MARCHF4: variants seen among roughly 807,000 people sequenced by gnomAD.
MARCHF4 encodes the protein membrane associated ring-CH-type finger 4, also known as E3 ubiquitin-protein ligase MARCHF4.
A neutral mutation model predicts 43.9 loss-of-function variants in MARCHF4; 14 were observed. That is an observed-to-expected ratio of 0.32 (90% CI 0.21 to 0.50). MARCHF4 has a LOEUF of 0.50. Ranked by LOEUF, MARCHF4 falls within the 20% of genes least tolerant of loss-of-function variation. MARCHF4 has a pLI of 0.98. For synonymous variants in MARCHF4, 226 were observed against 213.3 expected (o/e 1.06, Z -0.52); for missense variants, 468 against 536.7 (o/e 0.87, Z 1.27).
intron 1 of MARCHF4, among the ~76,000 whole-genome samples, chr2:216,300,639 C>G (rs908526819): frequency 1.3e-5 from 2 of 152,064 alleles, no homozygotes; most frequent in Admixed American, 6.6e-5. Context: ...AGCCACCATG[C>G]CTGGCCCTTA....
intron 1 of MARCHF4, among the ~76,000 whole-genome samples, chr2:216,345,773 C>A (rs1574484175): frequency 6.6e-6 from 1 of 152,260 alleles, no homozygotes; most frequent in East Asian, 1.9e-4. Flanking sequence ...GGGCTCTACC[C>A]CAGATCTGAG....
intron 1 of MARCHF4, among the ~76,000 whole-genome samples, chr2:216,334,671 G>T (rs1223012861): frequency 6.6e-6 from 1 of 152,206 alleles, no homozygotes; most frequent in Non-Finnish European, 1.5e-5. Flanking sequence ...AAAGCACTGG[G>T]ATTTCAGGCA....
At chr2:216,264,410 C>G (rs2105931725) in intron 3 of MARCHF4, among the ~76,000 whole-genome samples, 1 of 152,374 alleles carries the variant, frequency 6.6e-6, no homozygotes, top group East Asian at 1.9e-4. Flanking sequence ...CTCACCCTCT[C>G]CCAGTTGTAC....
At chr2:216,358,393 C>T (rs1369572328) in intron 1 of MARCHF4, among the ~76,000 whole-genome samples, 1 of 152,138 alleles carries the variant, frequency 6.6e-6, no homozygotes, top group Non-Finnish European at 1.5e-5. Flanking sequence ...ATTCTTTTCC[C>T]TTTTCAGCCT....
intron 1 of MARCHF4, among the ~76,000 whole-genome samples, chr2:216,289,233 A>ACCCTC (rs199838607): frequency 9.7e-6 from 1 of 102,602 alleles, no homozygotes; most frequent in African/African-American, 3.8e-5. Flanking sequence ...TTTCTTCCCC[A>ACCCTC]CCCGCCCCCC....
intron 1 of MARCHF4, among the ~76,000 whole-genome samples, chr2:216,310,307 G>C (rs1691663837): frequency 6.6e-6 from 1 of 152,048 alleles, no homozygotes; most frequent in African/African-American, 2.4e-5. Context: ...TGTCACCCAG[G>C]CTGGAGTGCA....
chr2:216,303,605 G>A (rs1184680025), intron 1 of MARCHF4: 2 of 152,246 alleles, frequency 1.3e-5, no homozygotes, highest in African/African-American at 4.8e-5. Context: ...AATGCCCAAA[G>A]TGGGTGCATC....
At chr2:216,292,200 A>T (rs1373091448) in intron 1 of MARCHF4, among the ~76,000 whole-genome samples, 1 of 152,128 alleles carries the variant, frequency 6.6e-6, no homozygotes, top group Non-Finnish European at 1.5e-5. Flanking sequence ...TCCCCTTCAC[A>T]CTTTATTTAC....
At chr2:216,270,684 T>A (rs1690922025) in intron 3 of MARCHF4, among the ~76,000 whole-genome samples, 1 of 152,174 alleles carries the variant, frequency 6.6e-6, no homozygotes, top group African/African-American at 2.4e-5. Context: ...TTTGTTGTGA[T>A]GCCTTTGCCA....
chr2:216,365,546 T>G (rs1692652181), intron 1 of MARCHF4, among the ~76,000 whole-genome samples: 1 of 152,152 alleles, frequency 6.6e-6, no homozygotes, highest in South Asian at 2.1e-4. Context: ...GGCAGTCAGG[T>G]GTGGGGGTGG....
chr2:216,260,295 A>G (rs1456373554), intron 3 of MARCHF4, among the ~76,000 whole-genome samples: 1 of 152,266 alleles, frequency 6.6e-6, no homozygotes, highest in African/African-American at 2.4e-5. Flanking sequence ...TGCAGTCGGC[A>G]GGACACCCTC....
chr2:216,370,120 A>G lies in MARCHF4; in HGVS notation c.141T>C (p.Asn47=), dbSNP rs1193399694. The G allele has an allele frequency of 2.5e-6, 4 of 1,603,116 alleles. No homozygotes were observed. The highest frequency in any genetic ancestry group is 1.3e-5 in the African/African-American group (1 of 74,836). Residue 47 remains asparagine, a synonymous_variant, in exon 1 of 4, where the codon AAT becomes AAC. Coordinates refer to ENST00000273067, the MANE Select transcript of MARCHF4 (RefSeq NM_020814.3). The part of the protein sequence containing the change: ...LLKCRCRMLF[N]DLKVFLLRRP... ...GCCGCAGTAAGAAAACCTTCAGGTCATTGAAGAGCATGCGGCAGCGGCACT... is the reference window on the plus strand; with the variant it reads ...GCCGCAGTAAGAAAACCTTCAGGTCGTTGAAGAGCATGCGGCAGCGGCACT...
At chr2:216,289,231 C>T in intron 1 of MARCHF4, among the ~76,000 whole-genome samples, 1 of 115,526 alleles carries the variant, frequency 8.7e-6, no homozygotes, top group African/African-American at 3.5e-5. Flanking sequence ...GTTTTCTTCC[C>T]CACCCGCCCC....
rs1222320306 is a variant in MARCHF4 at position 216,369,819 on chromosome 2, A to G, written c.442T>C (p.Tyr148His). ...DFCKEKTEDR[Y>H]SLGSSLDSGM... is the part of the protein sequence containing the mutation. The stretch of plus-strand genomic sequence containing the variant: ...CTGTCCAAGCTGCTGCCCAGTGAGT[A>G]GCGATCCTCGGTCTTCTCCTTACAG... Residue 148 changes from tyrosine to histidine, a missense_variant, in exon 1 of 4, where the codon TAC (tyrosine) becomes CAC (histidine). Around this residue, in one of 3 missense-constraint regions of MARCHF4, gnomAD observed 158 missense variants for 251.1 expected, o/e 0.63. Transcript: ENST00000273067. The G allele has an allele frequency of 6.2e-7, 1 of 1,613,724 alleles. No homozygotes were observed. The highest frequency in any genetic ancestry group is 2.2e-5 in the East Asian group (1 of 44,890).
intron 2 of MARCHF4, among the ~76,000 whole-genome samples, chr2:216,282,416 C>A (rs542225144): frequency 1.3e-5 from 2 of 152,052 alleles, no homozygotes; most frequent in Non-Finnish European, 2.9e-5. Context: ...GCAAAGACCC[C>A]ACCGCCACCA....
chr2:216,265,522 GTC>G (rs1690832042), intron 3 of MARCHF4: 2 of 151,632 alleles, frequency 1.3e-5, no homozygotes, highest in Non-Finnish European at 1.5e-5. Context: ...TTTTGACAGG[GTC>G]TCTCTCTGTT....
rs185058395 is a variant in MARCHF4 at position 216,302,752 on chromosome 2, A to C, written c.517-19023T>G. 5.3e-3 allele frequency among the ~76,000 whole-genome samples: 799 copies of C among 151,538 alleles called. 6 individuals carry two copies. The highest frequency in any genetic ancestry group is 0.018 in the African/African-American group (757 of 41,308). ...GTCTCCACTAAAAACACAAAAATTA[A>C]CCAGGTGTGGTGGTGGGTGCCTGTA... is the stretch of plus-strand genomic sequence containing the variant. On this transcript the variant is annotated intron_variant, in intron 1 of 3. Transcript: ENST00000273067.
At chr2:216,312,424 T>C (rs1457168387) in intron 1 of MARCHF4, among the ~76,000 whole-genome samples, 3 of 152,204 alleles carry the variant, frequency 2.0e-5, no homozygotes, top group Admixed American at 6.5e-5. Context: ...AACAAACAAG[T>C]ACAGGTGTCT....
At chr2:216,323,870 T>C (rs1367020561) in intron 1 of MARCHF4, among the ~76,000 whole-genome samples, 1 of 151,968 alleles carries the variant, frequency 6.6e-6, no homozygotes, top group African/African-American at 2.4e-5. Context: ...AGGAAAGATC[T>C]AAAATTGACA....
Sources: allele counts gnomAD v4.1 joint callset (sites outside exome capture counted in the v4.1 genomes callset), GRCh38; gene constraint gnomAD v4.1.1; regional missense constraint gnomAD v4.1.1; transcripts MANE v1.5; gene names NCBI Gene and HGNC (gene_info 2026-07-23, HGNC 2026-07-21).